The following SORCS3 variants were observed in gnomAD, a reference collection of about 807,000 sequenced individuals.
The protein encoded by SORCS3 is sortilin related VPS10 domain containing receptor 3, also known as VPS10 domain-containing receptor SorCS3.
Under a neutral mutation model 146.3 loss-of-function variants are expected in SORCS3, and 57 were observed. The ratio of observed to expected loss-of-function variants is 0.39; its 90% CI spans 0.31 to 0.49. The LOEUF (loss-of-function observed/expected upper bound fraction) is 0.49. SORCS3 is among the 20% of genes least tolerant of loss of function. The pLI is 0.92. For missense variants in SORCS3, 1,341 were observed against 1,575.5 expected (o/e 0.85, Z 2.52); for synonymous variants, 653 against 618.5 (o/e 1.06, Z -0.83).
rs188657781 is a variant in SORCS3 at position 104,902,717 on chromosome 10, A to C, written c.696-13116A>C. Among the ~76,000 whole-genome samples the C allele has an allele frequency of 3.3e-5, 5 of 152,338 alleles. No individual in the cohort carries two copies. The East Asian group carries it at 9.6e-4, about 29-fold the overall frequency. ...TAGGAAGGAATGAAAGCCTGTCAAG[A>C]AACTAAGCTGATTCTTGCCCTGTGC... is the stretch of plus-strand genomic sequence containing the variant. On this transcript the variant is annotated intron_variant, in intron 2 of 26. Coordinates refer to ENST00000369701, the MANE Select transcript of SORCS3 (RefSeq NM_014978.3).
intron 20 of SORCS3, among the ~76,000 whole-genome samples, chr10:105,240,114 C>A (rs1047194279): frequency 1.4e-4 from 21 of 152,174 alleles, no homozygotes; most frequent in Admixed American, 4.6e-4. Context: ...TGCCCTGCAT[C>A]CCTGCACCCT....
chr10:104,841,434 A>G (rs2018138364), intron 1 of SORCS3, among the ~76,000 whole-genome samples: 2 of 151,878 alleles, frequency 1.3e-5, no homozygotes, highest in Non-Finnish European at 2.9e-5. Flanking sequence ...CATGCCATTG[A>G]TGATGTTTCT....
At chr10:104,644,186 C>T (rs1049249496) in intron 1 of SORCS3, among the ~76,000 whole-genome samples, 14 of 152,222 alleles carry the variant, frequency 9.2e-5, no homozygotes, top group Non-Finnish European at 1.5e-4. Context: ...ATGAACAGCC[C>T]ACAGGGACTT....
intron 20 of SORCS3, among the ~76,000 whole-genome samples, chr10:105,230,632 G>T (rs2056760766): frequency 6.6e-6 from 1 of 152,134 alleles, no homozygotes; most frequent in Non-Finnish European, 1.5e-5. Context: ...TTCTGTCTGG[G>T]TGCAATAAAT....
At chr10:105,095,875 A>C (rs1449941525) in intron 6 of SORCS3, among the ~76,000 whole-genome samples, 1 of 152,138 alleles carries the variant, frequency 6.6e-6, no homozygotes, top group Non-Finnish European at 1.5e-5. Context: ...TTATTTATTC[A>C]TTCAGGGAAC....
rs764767168 is a variant in SORCS3 at position 105,201,185 on chromosome 10, C to G, written c.2193C>G (p.Ala731=). Residue 731 remains alanine (A), a synonymous_variant, in exon 16 of 27, where the codon GCC becomes GCG. Coordinates refer to ENST00000369701, the MANE Select transcript of SORCS3 (RefSeq NM_014978.3). The part of the protein sequence containing the change: ...FKKRKPGAQC[A]LGRDHSGSVV... Reference sequence around the variant, plus strand: ...AACGTAAGCCAGGAGCTCAGTGTGCCCTGGGCCGAGACCACTCAGGATCAG... The same window carrying G: ...AACGTAAGCCAGGAGCTCAGTGTGCGCTGGGCCGAGACCACTCAGGATCAG... The G allele has an allele frequency of 1.2e-6, 2 of 1,612,270 alleles. No individual in the cohort carries two copies. Among genetic ancestry groups the G allele is most frequent in the Non-Finnish European group, 1.7e-6 (2 of 1,179,140 alleles).
At chr10:105,091,233 TTCCC>T (rs2055701291) in intron 6 of SORCS3, among the ~76,000 whole-genome samples, 1 of 90,572 alleles carries the variant, frequency 1.1e-5, no homozygotes. Context: ...CCTTCCTTCC[TTCCC>T]TCCTTCCTTC....
chr10:104,781,223 T>G (rs576450630), intron 1 of SORCS3, among the ~76,000 whole-genome samples: 1 of 152,364 alleles, frequency 6.6e-6, no homozygotes, highest in Non-Finnish European at 1.5e-5. Context: ...GCAAGTCATC[T>G]GAAGCCAGAG....
intron 7 of SORCS3, 90 bp from the exon 8 acceptor site, chr10:105,139,307 T>G: frequency 1.1e-6 from 1 of 918,058 alleles, no homozygotes; most frequent in Non-Finnish European, 1.8e-6. Context: ...TACAAACCCA[T>G]TGTGGTTGTT....
chr10:104,647,017 C>T (rs1226970955), intron 1 of SORCS3, among the ~76,000 whole-genome samples: 2 of 152,080 alleles, frequency 1.3e-5, no homozygotes, highest in Non-Finnish European at 1.5e-5. Flanking sequence ...TCTCAAGTCT[C>T]ATCAAGCAGA....
At chr10:105,000,715 A>T (rs555385991) in intron 4 of SORCS3, among the ~76,000 whole-genome samples, 2 of 152,292 alleles carry the variant, frequency 1.3e-5, no homozygotes, top group South Asian at 4.1e-4. Flanking sequence ...ATCAGAAGAC[A>T]GTTTGCTGCT....
At chr10:104,921,633 A>G (rs2019088527) in intron 3 of SORCS3, among the ~76,000 whole-genome samples, 1 of 151,934 alleles carries the variant, frequency 6.6e-6, no homozygotes, top group East Asian at 1.9e-4. Context: ...TCCTTACTAC[A>G]CTTTATTCTA....
At chr10:105,191,093 C>T (rs1381547293) in intron 14 of SORCS3, among the ~76,000 whole-genome samples, 1 of 152,114 alleles carries the variant, frequency 6.6e-6, no homozygotes, top group Admixed American at 6.5e-5. Flanking sequence ...GCCACTCAGA[C>T]AATAAATATG....
intron 1 of SORCS3, among the ~76,000 whole-genome samples, chr10:104,728,693 T>G (rs757384706): frequency 3.1e-4 from 47 of 152,194 alleles, no homozygotes; most frequent in Non-Finnish European, 1.0e-4. Flanking sequence ...GGGGCTCTCC[T>G]AGGGCCTGCA....
At chr10:105,009,740 CT>C (rs140351593) in intron 4 of SORCS3, among the ~76,000 whole-genome samples, 6,984 of 149,826 alleles carry the variant, frequency 0.047, 186 homozygotes, top group Middle Eastern at 0.076. Flanking sequence ...CACTTTTTCA[CT>C]TTTTTTTTCA....
At chr10:104,715,920 A>T (rs1461258071) in intron 1 of SORCS3, among the ~76,000 whole-genome samples, 1 of 152,154 alleles carries the variant, frequency 6.6e-6, no homozygotes, top group Non-Finnish European at 1.5e-5. Context: ...TTTCTGGTGT[A>T]TGCCAAGTAG....
intron 2 of SORCS3, among the ~76,000 whole-genome samples, chr10:104,907,026 G>T (rs1406080515): frequency 1.3e-5 from 2 of 151,744 alleles, no homozygotes; most frequent in Non-Finnish European, 2.9e-5. Context: ...GTTGTGTCTG[G>T]ATATACTGTG....
chr10:105,038,402 A>G (rs763133274), intron 4 of SORCS3, among the ~76,000 whole-genome samples: 16 of 152,228 alleles, frequency 1.1e-4, no homozygotes, highest in Non-Finnish European at 2.1e-4. Flanking sequence ...TTTCTGGGAC[A>G]TTGTCCTATT....
intron 1 of SORCS3, among the ~76,000 whole-genome samples, chr10:104,756,714 T>C (rs559351502): frequency 5.0e-4 from 76 of 152,322 alleles, no homozygotes; most frequent in African/African-American, 1.8e-3. Flanking sequence ...GGGCCTCAGA[T>C]GGCACCGATC....
Sources: gnomAD v4.1 joint callset for allele counts (sites outside exome capture counted in the v4.1 genomes callset) on GRCh38, gnomAD v4.1.1 for gene constraint, MANE v1.5 for transcripts, NCBI Gene and HGNC (gene_info 2026-07-23, HGNC 2026-07-21) for gene names.